Variants in OVCH1 observed in about 807,000 individuals in gnomAD.
The protein encoded by OVCH1 is ovochymase-1.
Under a neutral mutation model 138.4 loss-of-function variants are expected in OVCH1, and 139 were observed. That is an observed-to-expected ratio of 1.00 (90% CI 0.87 to 1.16). The LOEUF is 1.16. Ranked by LOEUF, OVCH1 falls within the 50% of genes most tolerant of loss-of-function variation. OVCH1 has a pLI of 0.00. For synonymous variants in OVCH1, 453 were observed against 467.8 expected, an observed-to-expected ratio of 0.97 and a Z score of 0.41; for missense variants, 1,367 against 1,357.9, an observed-to-expected ratio of 1.01 and a Z score of -0.11.
intron 22 of OVCH1, among the ~76,000 whole-genome samples, chr12:29,448,354 T>G (rs1941676062): frequency 6.6e-6 from 1 of 151,346 alleles, no homozygotes; most frequent in South Asian, 2.1e-4. Context: ...TAGAAGATAA[T>G]AAGTGCTCTA....
chr12:29,465,120 G>C (rs1429620054), intron 17 of OVCH1, 27 bp downstream of exon 17: 1 of 1,556,352 alleles, frequency 6.4e-7, no homozygotes, highest in Non-Finnish European at 8.7e-7. Flanking sequence ...ATTACAGGCA[G>C]AATGACCTGT....
At chr12:29,480,569 T>C (rs1326176028) in intron 8 of OVCH1, among the ~76,000 whole-genome samples, 1 of 152,226 alleles carries the variant, frequency 6.6e-6, no homozygotes. Flanking sequence ...GTCCCCAAAC[T>C]AACCATTGAT....
the OVCH1 span, among the ~76,000 whole-genome samples, chr12:29,406,938 C>T: frequency 1.4e-5 from 2 of 142,424 alleles, no homozygotes; most frequent in Non-Finnish European, 3.1e-5. Flanking sequence ...TAAAAGTGTT[C>T]CTATTTCTCC....
chr12:29,404,639 G>C, the OVCH1 span, among the ~76,000 whole-genome samples: 1 of 152,118 alleles, frequency 6.6e-6, no homozygotes, highest in East Asian at 1.9e-4. Context: ...CCAGGTGATG[G>C]TTTTCAGTGA....
At chr12:29,478,124 C>A (rs1942805586) in intron 9 of OVCH1, among the ~76,000 whole-genome samples, 1 of 152,120 alleles carries the variant, frequency 6.6e-6, no homozygotes, top group Non-Finnish European at 1.5e-5. Context: ...GAGCTTCTAT[C>A]ATGGTTAACA....
At chr12:29,444,192 T>C (rs1380697576) in exon 24 of OVCH1, 20 of 1,612,506 alleles carry the variant, frequency 1.2e-5, no homozygotes, top group Non-Finnish European at 1.7e-5. Flanking sequence ...TGATCCCTTC[T>C]GGCTTGGTCA....
chr12:29,444,351 G>C, intron 23 of OVCH1, 71 bp from the exon 24 acceptor site: 1 of 1,444,316 alleles, frequency 6.9e-7, no homozygotes. Flanking sequence ...TGCCTTTTCA[G>C]ATCAAGGTAA....
At chr12:29,432,285 A>T (rs1386943881) in intron 27 of OVCH1, among the ~76,000 whole-genome samples, 1 of 152,226 alleles carries the variant, frequency 6.6e-6, no homozygotes, top group Non-Finnish European at 1.5e-5. Context: ...GCTATTACAC[A>T]TAAAACTGGC....
chr12:29,405,318 G>GACTC, the OVCH1 span, among the ~76,000 whole-genome samples: 46,809 of 151,778 alleles, frequency 0.31, 8,479 homozygotes, highest in Middle Eastern at 0.51. Context: ...AAAACTCCCA[G>GACTC]ACTCATCAAT....
At chr12:29,455,974 G>A (rs996607814) in intron 19 of OVCH1, among the ~76,000 whole-genome samples, 17 of 152,102 alleles carry the variant, frequency 1.1e-4, no homozygotes, top group African/African-American at 3.9e-4. Flanking sequence ...AGAAATTAGG[G>A]TGTTGGTGGT....
At chr12:29,426,492 CAA>C (rs900243235), downstream of OVCH1, among the ~76,000 whole-genome samples, 11 of 152,184 alleles carry the variant, frequency 7.2e-5, no homozygotes, top group South Asian at 2.1e-4. Flanking sequence ...TCCACTAGCT[CAA>C]GAGTTCTATC....
At chr12:29,439,083 T>C (rs150091472) in intron 26 of OVCH1, among the ~76,000 whole-genome samples, 20 of 152,346 alleles carry the variant, frequency 1.3e-4, no homozygotes, top group African/African-American at 4.8e-4. Flanking sequence ...ATCTCGACTC[T>C]TATCAGCCCA....
At chr12:29,423,990 C>T (rs1430726622), downstream of OVCH1, among the ~76,000 whole-genome samples, 2 of 152,030 alleles carry the variant, frequency 1.3e-5, no homozygotes, top group South Asian at 4.1e-4. Flanking sequence ...GTCGGGGAGA[C>T]CCTAACCCAG....
intron 25 of OVCH1, among the ~76,000 whole-genome samples, chr12:29,442,729 CTTTAT>C (rs1197616063): frequency 4.0e-5 from 6 of 151,756 alleles, no homozygotes; most frequent in South Asian, 2.1e-4. Context: ...ATGTTTTTCT[CTTTAT>C]TTTATTAAGA....
exon 4 of OVCH1, chr12:29,495,311 A>G (rs751221350): frequency 1.1e-5 from 17 of 1,612,278 alleles, no homozygotes; most frequent in Non-Finnish European, 1.4e-5. Context: ...TTTTAGATAC[A>G]GCAGTGCAAT....
chr12:29,439,915 G>T (rs1193340755), intron 25 of OVCH1, among the ~76,000 whole-genome samples: 1 of 152,144 alleles, frequency 6.6e-6, no homozygotes, highest in Admixed American at 6.5e-5. Context: ...AGATGTATAG[G>T]GCAAGATATG....
chr12:29,489,640 A>C (rs967181), exon 6 of OVCH1: 676,733 of 1,604,328 alleles, frequency 0.42, 144,635 homozygotes, highest in East Asian at 0.54. Flanking sequence ...TCCATTCCCC[A>C]ATCAGGGAAG....
At chr12:29,479,915 C>T (rs1456573702) in intron 8 of OVCH1, among the ~76,000 whole-genome samples, 3 of 151,540 alleles carry the variant, frequency 2.0e-5, no homozygotes, top group African/African-American at 7.3e-5. Flanking sequence ...CCTACACCTC[C>T]CAGGTTCAAG....
In OVCH1 at chr12:29,445,552, ACT is replaced by A. The variant is rs533759543; in HGVS notation, c.2756-151_2756-150del. 4.8e-4 allele frequency: 386 copies of A among 810,572 alleles called. 1 individual carries two copies. The Admixed American group carries it at 9.0e-3, about 19-fold the overall frequency. 50.2% of individuals were successfully genotyped at this position (810,572 alleles called of 1,614,324 possible). ...GAAACAGGACTCCAGAACATAAGTG[ACT>A]CACTCAATGCCACAAACTAGCCGGG... On this transcript the variant is annotated intron_variant, in intron 22 of 27. Coordinates refer to ENST00000318184, the Ensembl canonical transcript of OVCH1.
Sources: gnomAD v4.1 joint callset for allele counts (sites outside exome capture counted in the v4.1 genomes callset) on GRCh38, gnomAD v4.1.1 for gene constraint, MANE v1.5 for transcripts, NCBI Gene and HGNC (gene_info 2026-07-23, HGNC 2026-07-21) for gene names.